The following ATM variants were observed in gnomAD, a reference collection of about 807,000 sequenced individuals.
ATM encodes serine-protein kinase ATM.
In ATM, 308 loss-of-function variants were observed where a neutral mutation model predicts 387.0. That is an observed-to-expected ratio of 0.80 (90% CI 0.73 to 0.87). The LOEUF is 0.87. ATM is among the 40% of genes least tolerant of loss of function. ATM has a pLI of 0.00. For missense variants in ATM, 3,312 were observed against 3,560.9 expected (o/e 0.93, Z 1.78); for synonymous variants, 1,156 against 1,187.3 (o/e 0.97, Z 0.54).
In ATM at chr11:108,245,253, G is replaced by A. The variant is rs4987921; in HGVS notation, c.901+227G>A. Among the ~76,000 whole-genome samples, 1,408 of 152,148 alleles carry A rather than the reference G, an allele frequency of 9.3e-3. 22 individuals carry two copies. The highest frequency in any genetic ancestry group is 0.032 in the African/African-American group (1,308 of 41,498). On this transcript the variant is annotated intron_variant, in intron 7 of 62. Coordinates refer to ENST00000675843, the MANE Select transcript of ATM (RefSeq NM_000051.4). ...TGTTCAATACAATATTAGGTATTAT[G>A]GGAAATACAAAAAAATCTGAGACAT...
At chr11:108,287,244 G>T (rs1238455364) in intron 26 of ATM, 3 of 162,324 alleles carry the variant, frequency 1.8e-5, no homozygotes, top group East Asian at 3.6e-4. Flanking sequence ...GTAAAATTCA[G>T]ATAGAGGAGC....
intron 27 of ATM, 105 bp from the exon 28 acceptor site, chr11:108,288,872 G>C (rs1355670192): frequency 2.9e-6 from 4 of 1,387,102 alleles, no homozygotes; most frequent in Non-Finnish European, 4.0e-6. Flanking sequence ...AATGGTTTTT[G>C]AATTTGGGGG....
rs1201081443 is a variant in ATM, at chr11:108,316,059, A to G, written c.6144A>G (p.Thr2048=). ...HEAMWGKALV[T]YDLETAIPSS... Reference sequence around the variant, plus strand: ...CAATGTGGGGCAAAGCCCTAGTAACATATGACCTCGAAACAGCAATCCCCT... The same window carrying G: ...CAATGTGGGGCAAAGCCCTAGTAACGTATGACCTCGAAACAGCAATCCCCT... Residue 2048 remains threonine (T), a synonymous_variant, in exon 42 of 63, where the codon ACA becomes ACG. Transcript: ENST00000675843. The G allele has an allele frequency of 1.9e-6, 3 of 1,614,182 alleles. No individual in the cohort carries two copies. Among genetic ancestry groups the G allele is most frequent in the South Asian group, 2.2e-5 (2 of 91,082 alleles).
chr11:108,270,580 A>T (rs1287522209), intron 18 of ATM, among the ~76,000 whole-genome samples: 2 of 152,088 alleles, frequency 1.3e-5, no homozygotes, highest in Non-Finnish European at 1.5e-5. Context: ...TGGTACTGGG[A>T]TTTGAATTTT....
At chr11:108,356,532 GTC>G (rs1191630431) in intron 61 of ATM, among the ~76,000 whole-genome samples, 2 of 123,186 alleles carry the variant, frequency 1.6e-5, no homozygotes, top group African/African-American at 6.0e-5. Context: ...GCAAGACTCT[GTC>G]TGTCTTAAAA....
chr11:108,306,188 TCTA>T (rs2083679714), intron 37 of ATM, among the ~76,000 whole-genome samples: 1 of 152,216 alleles, frequency 6.6e-6, no homozygotes, highest in African/African-American at 2.4e-5. Context: ...CAATTACAAA[TCTA>T]CTATTTGGAA....
chr11:108,320,137 T>C (rs2136225041), intron 44 of ATM, 79 bp downstream of exon 44: 2 of 1,118,986 alleles, frequency 1.8e-6, no homozygotes, highest in South Asian at 2.5e-5. Context: ...GAAACAATTT[T>C]AATGTAAGGA....
chr11:108,292,473 T>G (rs2082847955), intron 29 of ATM, 146 bp from the exon 30 acceptor site: 8 of 966,660 alleles, frequency 8.3e-6, no homozygotes, highest in Non-Finnish European at 1.2e-5. Context: ...GTGACTTCTC[T>G]TTTTGGCTTA....
At chr11:108,355,060 C>G in intron 61 of ATM, 186 bp downstream of exon 61, 2 of 593,480 alleles carry the variant, frequency 3.4e-6, no homozygotes, top group South Asian at 4.1e-5. Flanking sequence ...TTTAGAAATG[C>G]CTTCAGCCCC....
chr11:108,261,733 GA>G (rs551919195), intron 16 of ATM, among the ~76,000 whole-genome samples: 1 of 151,862 alleles, frequency 6.6e-6, no homozygotes, highest in African/African-American at 2.4e-5. Context: ...TGAAAACTTT[GA>G]AAAAAATTTA....
At chr11:108,314,497 T>C (rs1378980013) in intron 40 of ATM, among the ~76,000 whole-genome samples, 2 of 152,024 alleles carry the variant, frequency 1.3e-5, no homozygotes, top group Non-Finnish European at 2.9e-5. Flanking sequence ...GGTCGGTACT[T>C]ATTTCTTATC....
At chr11:108,230,456 C>G (rs2078954935) in intron 4 of ATM, 1 of 152,108 alleles carries the variant, frequency 6.6e-6, no homozygotes, top group Non-Finnish European at 1.5e-5. Flanking sequence ...TACTGCTTCT[C>G]CCTTCTGAGA....
intron 6 of ATM, 52 bp downstream of exon 6, chr11:108,244,170 C>G (rs2135229087): frequency 3.8e-6 from 6 of 1,596,110 alleles, no homozygotes; most frequent in Non-Finnish European, 5.1e-6. Flanking sequence ...TTTGATCTTG[C>G]AAGACCATGT....
rs141947469 is a variant in ATM at position 108,268,512 on chromosome 11, A to G, written c.2741A>G (p.Asn914Ser). The change falls in exon 18 of 63, where the codon AAT (asparagine) becomes AGT (serine). Residue 914 changes from asparagine (N) to serine (S), a missense_variant. Asn to Ser is a conservative substitution (Grantham distance 46, BLOSUM62 1). Transcript: ENST00000675843. ...LCLCVTTAQT[N>S]TVSFRAADIR... ...TTGTGTGTAACTACTGCTCAGACCA[A>G]TACTGTGTCCTTTAGGGCAGCTGAT... 1.9e-6 allele frequency: 3 copies of G among 1,614,000 alleles called. No homozygotes were observed. Among genetic ancestry groups the G allele is most frequent in the Non-Finnish European group, 2.5e-6 (3 of 1,180,002 alleles).
rs1478081526 is a variant in ATM, at chr11:108,256,281, T to TA, written c.2192dup (p.Tyr731Ter). 6.2e-7 allele frequency: 1 copy of TA among 1,611,452 alleles called. No homozygotes were observed. Among genetic ancestry groups the TA allele is most frequent in the Non-Finnish European group, 8.5e-7 (1 of 1,178,274 alleles). The change falls in exon 14 of 63, where the codon TAC (tyrosine) becomes TAAC (stop). Residue 731 changes from tyrosine to a stop codon, truncating the protein, a stop_gained and frameshift_variant. Transcript: ENST00000675843. LOFTEE classifies it high-confidence loss of function. ...LLVGVLGCYC[Y>*]MGVIAEEEAY... ...GGTGGGTGTCCTTGGCTGCTACTGT[T>TA]ACATGGGTGTAATAGCTGAAGAGGA...
In ATM at chr11:108,301,796, TAAG is replaced by T. The variant is rs749138282; in HGVS notation, c.5319+8_5319+10del. ...TAGAACATCAAGAAAAAAGGTCTCT[TAAG>T]TAATAAATGTTTATTGAATACCCAG... On this transcript the variant is annotated splice_region_variant and intron_variant, in intron 35 of 62. Coordinates refer to ENST00000675843, the MANE Select transcript of ATM (RefSeq NM_000051.4). 5 of 1,612,986 alleles carry T rather than the reference TAAG, an allele frequency of 3.1e-6. No homozygotes were observed. The South Asian group carries it at 5.5e-5, about 18-fold the overall frequency.
intron 16 of ATM, among the ~76,000 whole-genome samples, chr11:108,264,227 C>T (rs535339207): frequency 6.6e-6 from 1 of 152,084 alleles, no homozygotes; most frequent in African/African-American, 2.4e-5. Context: ...ATGCAAAAAT[C>T]CTCAATAAAA....
chr11:108,334,056 A>G (rs972672437), intron 54 of ATM, 88 bp downstream of exon 54: 1 of 1,048,072 alleles, frequency 9.5e-7, no homozygotes, highest in Non-Finnish European at 1.5e-6. Flanking sequence ...ATGTAGGTCA[A>G]AATTGGTTAA....
chr11:108,234,160 C>G (rs1022732978), intron 4 of ATM, among the ~76,000 whole-genome samples: 1 of 152,072 alleles, frequency 6.6e-6, no homozygotes, highest in African/African-American at 2.4e-5. Context: ...AAAAAAGGAT[C>G]ACATGGTTGT....
Sources: allele counts gnomAD v4.1 joint callset (sites outside exome capture counted in the v4.1 genomes callset), GRCh38; gene constraint gnomAD v4.1.1; transcripts MANE v1.5; gene names NCBI Gene and HGNC (gene_info 2026-07-23, HGNC 2026-07-21).